P4HB: variants seen among roughly 807,000 people sequenced by gnomAD.
P4HB encodes the protein prolyl 4-hydroxylase subunit beta, also known as protein disulfide-isomerase.
P4HB carries 20 observed loss-of-function variants against 52.6 expected under a neutral mutation model. The ratio of observed to expected loss-of-function variants is 0.38; its 90% CI spans 0.27 to 0.55. P4HB has a LOEUF of 0.55. Ranked by LOEUF, P4HB falls within the 20% of genes least tolerant of loss-of-function variation. The pLI, the probability that P4HB is intolerant of heterozygous loss-of-function variation, is 0.74. For synonymous variants in P4HB, 296 were observed against 277.9 expected, an observed-to-expected ratio of 1.07 and a Z score of -0.65; for missense variants, 601 against 669.2, an observed-to-expected ratio of 0.90 and a Z score of 1.12.
intron 2 of P4HB, among the ~76,000 whole-genome samples, chr17:81,857,845 G>A (rs1404922350): frequency 2.6e-5 from 4 of 152,212 alleles, no homozygotes; most frequent in African/African-American, 9.7e-5. Flanking sequence ...CCATTCAGAT[G>A]TAGAAGGATT....
At chr17:81,849,818 T>A (rs923839056) in intron 4 of P4HB, among the ~76,000 whole-genome samples, 1 of 151,562 alleles carries the variant, frequency 6.6e-6, no homozygotes, top group African/African-American at 2.4e-5. Flanking sequence ...TATTTATTTT[T>A]AAAATTTATT....
At position 81,860,496 on chromosome 17, in the gene P4HB, C is replaced by A; in HGVS notation, c.-25G>T. The A allele has an allele frequency of 8.0e-7, 1 of 1,249,518 alleles. No homozygotes were observed. Among genetic ancestry groups the A allele is most frequent in the Non-Finnish European group, 1.0e-6 (1 of 994,862 alleles). The allele number at this position is 1,249,518 out of a possible 1,614,324, so 77.4% of individuals were successfully genotyped here. A position where few individuals can be genotyped will look rare whatever the true frequency, so the allele number is the denominator to read the frequency against. On this transcript the variant is annotated 5_prime_UTR_variant, in exon 1 of 11. Transcript: ENST00000331483. ...TGTCGGACACGGATCAGGCGGGGCGCTTCGGTTGGCGCCGCCGGGACAGCG... is the reference window on the plus strand; with the variant it reads ...TGTCGGACACGGATCAGGCGGGGCGATTCGGTTGGCGCCGCCGGGACAGCG...
At chr17:81,850,154 C>T (rs141127824) in intron 4 of P4HB, among the ~76,000 whole-genome samples, 4,972 of 150,138 alleles carry the variant, frequency 0.033, 270 homozygotes, top group African/African-American at 0.12. Context: ...TTTTTTGAGA[C>T]GGAGTTTCAC....
In P4HB at chr17:81,845,961, C is replaced by G. The variant is rs2038729156; in HGVS notation, c.1087G>C (p.Asp363His). Residue 363 changes from aspartate (D) to histidine (H), a missense_variant, in exon 8 of 11, where the codon GAC becomes CAC. By Grantham distance (81) the Asp-to-His change is moderately conservative. Transcript: ENST00000331483. ...ACCTTGACAGGCTGCTTGTCCCAGTCCTCCGGCAGCTCCTGGCTCATCAGG... is the reference window on the plus strand; with the variant it reads ...ACCTTGACAGGCTGCTTGTCCCAGTGCTCCGGCAGCTCCTGGCTCATCAGG... ...PHLMSQELPE[D>H]WDKQPVKVLV... The G allele has an allele frequency of 1.2e-6, 2 of 1,612,468 alleles. No individual in the cohort carries two copies. The highest frequency in any genetic ancestry group is 4.5e-5 in the East Asian group (2 of 44,846).
chr17:81,860,420 C>A lies in P4HB; in HGVS notation c.52G>T (p.Asp18Tyr). 1 of 1,429,062 alleles carries A rather than the reference C, an allele frequency of 7.0e-7. No homozygotes were observed. Among genetic ancestry groups the A allele is most frequent in the Non-Finnish European group, 9.2e-7 (1 of 1,087,596 alleles). 88.5% of individuals were successfully genotyped at this position (1,429,062 alleles called of 1,614,324 possible). Residue 18 changes from aspartate to tyrosine, a missense_variant, in exon 1 of 11, where the codon GAC (aspartate) becomes TAC (tyrosine). Asp to Tyr is a radical substitution (Grantham distance 160, BLOSUM62 -3). Transcript: ENST00000331483. ...CLAVAALVRADAPEEEDHVLV... is the reference protein window; with the variant it reads ...CLAVAALVRAYAPEEEDHVLV... The stretch of plus-strand genomic sequence containing the variant: ...ACGTGGTCCTCCTCCTCGGGGGCGT[C>A]GGCGCGCACCAGGGCGGCCACGGCC...
Position 81,855,199 on chromosome 17 carries a change from G to A in P4HB, c.567C>T (p.Asn189=), listed in dbSNP as rs757973020. The A allele has an allele frequency of 2.5e-6, 4 of 1,613,822 alleles. No homozygotes were observed. In the East Asian group the frequency reaches 6.7e-5, roughly 27 times the overall value. The change falls in exon 4 of 11, where the codon AAC becomes AAT. Residue 189 remains asparagine, a synonymous_variant. Coordinates refer to ENST00000331483, the MANE Select transcript of P4HB (RefSeq NM_000918.4). The surrounding 1 kb of genome is among the most constrained non-coding windows in gnomAD (Gnocchi z 4.3). ...GCTGGTATTTGGAGAACACGTCACT[G>A]TTGGAAGTGATCCCAAATGGTATGT... The part of the protein sequence containing the change: ...IDDIPFGITS[N]SDVFSKYQLD...
At chr17:81,857,603 G>C (rs1037640701) in intron 2 of P4HB, among the ~76,000 whole-genome samples, 1 of 152,142 alleles carries the variant, frequency 6.6e-6, no homozygotes, top group African/African-American at 2.4e-5. Context: ...CTGACGCCCC[G>C]CCCACCTGAC....
chr17:81,844,130 C>T lies in P4HB; in HGVS notation c.1447-38G>A, dbSNP rs199726893. 1.5e-4 allele frequency: 212 copies of T among 1,415,302 alleles called. 1 individual carries two copies. The highest frequency in any genetic ancestry group is 2.1e-4 in the Non-Finnish European group (206 of 999,758). 87.7% of individuals were successfully genotyped at this position (1,415,302 alleles called of 1,614,324 possible). On this transcript the variant is annotated intron_variant, in intron 10 of 10. Coordinates refer to ENST00000331483, the MANE Select transcript of P4HB (RefSeq NM_000918.4). The stretch of plus-strand genomic sequence containing the variant: ...AAAAGGGGCGGGGCGGGCAGGTTGG[C>T]TGCAACAGCTGAGGCTGCCGGCCCC...
At position 81,846,752 on chromosome 17, in the gene P4HB, GC is replaced by G. The variant is rs1265147995; in HGVS notation, c.856-124del. On this transcript the variant is annotated intron_variant, in intron 6 of 10. Transcript: ENST00000331483. This position sits in a 1 kb window ranked among gnomAD's most constrained non-coding sequence, Gnocchi z 5.7. ...TTCCTCCAACCTGGATTCCGGGGTTGCCCAACCAGACCAGCAGGTGACTGGG... is the reference window on the plus strand; with the variant it reads ...TTCCTCCAACCTGGATTCCGGGGTTGCCAACCAGACCAGCAGGTGACTGGG... The G allele has an allele frequency of 2.0e-5, 25 of 1,232,988 alleles. No individual in the cohort carries two copies. Among genetic ancestry groups the G allele is most frequent in the Middle Eastern group, 4.9e-4 (2 of 4,076 alleles). 76.4% of individuals were successfully genotyped at this position (1,232,988 alleles called of 1,614,324 possible).
chr17:81,860,432 G>C lies in P4HB; in HGVS notation c.40C>G (p.Leu14Val), dbSNP rs778695261. ...RALLCLAVAALVRADAPEEED... is the reference protein window; with the variant it reads ...RALLCLAVAAVVRADAPEEED... ...TCCTCGGGGGCGTCGGCGCGCACCA[G>C]GGCGGCCACGGCCAGGCACAGCAGA... Residue 14 changes from leucine (L) to valine (V), a missense_variant, in exon 1 of 11, where the codon CTG (leucine) becomes GTG (valine). By Grantham distance (32) the Leu-to-Val change is conservative. Coordinates refer to ENST00000331483, the MANE Select transcript of P4HB (RefSeq NM_000918.4). The C allele has an allele frequency of 7.1e-6, 10 of 1,414,012 alleles. No individual in the cohort carries two copies. Among genetic ancestry groups the C allele is most frequent in the African/African-American group, 1.5e-5 (1 of 66,926 alleles). 87.6% of individuals were successfully genotyped at this position (1,414,012 alleles called of 1,614,324 possible).
Position 81,847,232 on chromosome 17 carries a change from G to A in P4HB, c.729+11C>T. The A allele has an allele frequency of 6.2e-7, 1 of 1,612,332 alleles. No homozygotes were observed. The highest frequency in any genetic ancestry group is 8.5e-7 in the Non-Finnish European group (1 of 1,178,468). On this transcript the variant is annotated intron_variant, in intron 5 of 10. Coordinates refer to ENST00000331483, the MANE Select transcript of P4HB (RefSeq NM_000918.4). The stretch of plus-strand genomic sequence containing the variant: ...CCCATCCCCAGCCTGGGGGCTGCAG[G>A]GCAGCCGCACCTGCTCGGTGAACTC...
chr17:81,853,357 A>C (rs1207931516), intron 4 of P4HB, among the ~76,000 whole-genome samples: 2 of 152,038 alleles, frequency 1.3e-5, no homozygotes, highest in African/African-American at 4.8e-5. Flanking sequence ...CGGATCATGA[A>C]GTCAGGAGTT....
At chr17:81,845,384 A>C (rs1194183213) in intron 9 of P4HB, 154 bp from the exon 10 acceptor site, 2 of 840,446 alleles carry the variant, frequency 2.4e-6, no homozygotes, top group Non-Finnish European at 3.8e-6. Context: ...CAGCCTAGGC[A>C]ATATAGTGAG....
intron 4 of P4HB, among the ~76,000 whole-genome samples, chr17:81,852,388 T>C (rs1042994278): frequency 2.6e-5 from 4 of 152,184 alleles, no homozygotes; most frequent in Non-Finnish European, 5.9e-5. Flanking sequence ...CTGTGGCCAC[T>C]GCACACACAG....
intron 9 of P4HB, 39 bp downstream of exon 9, chr17:81,845,522 C>A (rs1006298984): frequency 6.5e-7 from 1 of 1,539,610 alleles, no homozygotes; most frequent in Admixed American, 1.9e-5. Flanking sequence ...ACTGCTCTTC[C>A]CAGAGCCCGC....
chr17:81,852,533 G>A (rs1024275465), intron 4 of P4HB, among the ~76,000 whole-genome samples: 7 of 152,254 alleles, frequency 4.6e-5, no homozygotes, highest in Admixed American at 6.5e-5. Context: ...ACAGGGGGCC[G>A]GGCTTCTGCC....
In P4HB at chr17:81,855,284, A is replaced by G. The variant is rs1460612326; in HGVS notation, c.487-5T>C. On this transcript the variant is annotated splice_region_variant and splice_polypyrimidine_tract_variant and intron_variant, in intron 3 of 10. Coordinates refer to ENST00000331483, the MANE Select transcript of P4HB (RefSeq NM_000918.4). This position sits in a 1 kb window ranked among gnomAD's most constrained non-coding sequence, Gnocchi z 4.3. ...GGCAGAGTCCGACTCCACGTCCTGAATGAGGAGGGAGAAGCAGAGGTCGTC... is the reference window on the plus strand; with the variant it reads ...GGCAGAGTCCGACTCCACGTCCTGAGTGAGGAGGGAGAAGCAGAGGTCGTC... 6 of 1,613,612 alleles carry G rather than the reference A, an allele frequency of 3.7e-6. No homozygotes were observed. The Admixed American group carries it at 1.0e-4, about 27-fold the overall frequency.
chr17:81,847,300 G>C lies in P4HB; in HGVS notation c.672C>G (p.Asn224Lys), dbSNP rs1232010220. The C allele has an allele frequency of 6.2e-7, 1 of 1,614,054 alleles. No homozygotes were observed. The highest frequency in any genetic ancestry group is 8.5e-7 in the Non-Finnish European group (1 of 1,180,052). ...GGTTGTGTTTGATAAAGTCCAGCAG[G>C]TTCTCCTTGGTGACCTCCCCTTCAA... ...NNFEGEVTKE[N>K]LLDFIKHNQL... Residue 224 changes from asparagine (N) to lysine (K), a missense_variant, in exon 5 of 11, where the codon AAC becomes AAG. Transcript: ENST00000331483.
rs115222899 is a variant in P4HB at position 81,846,659 on chromosome 17, C to T, written c.856-30G>A. ...GGGAGAAAAGGAGGTTGCACAGGTG[C>T]GGGAGACGGCTGGCCTCTGCCTCCA... On this transcript the variant is annotated intron_variant, in intron 6 of 10. Coordinates refer to ENST00000331483, the MANE Select transcript of P4HB (RefSeq NM_000918.4). This position sits in a 1 kb window ranked among gnomAD's most constrained non-coding sequence, Gnocchi z 5.7. 2,453 of 1,599,234 alleles carry T rather than the reference C, an allele frequency of 1.5e-3. 34 individuals are homozygous for T. The African/African-American group carries it at 0.029, about 19-fold the overall frequency.
Sources: allele counts gnomAD v4.1 joint callset (sites outside exome capture counted in the v4.1 genomes callset), GRCh38; gene constraint gnomAD v4.1.1; non-coding constraint Gnocchi (gnomAD v3.1); transcripts MANE v1.5; gene names NCBI Gene and HGNC (gene_info 2026-07-23, HGNC 2026-07-21).